The following ZNF749 variants were observed in gnomAD, a reference collection of about 807,000 sequenced individuals.
The protein encoded by ZNF749 is zinc finger protein 749.
In ZNF749, 8 loss-of-function variants were observed where a neutral mutation model predicts 7.3. That is an observed-to-expected ratio of 1.10 (90% CI 0.64 to 1.98). The LOEUF is 1.98. Ranked by LOEUF, ZNF749 falls within the 30% of genes most tolerant of loss-of-function variation. ZNF749 has a pLI of 0.00. For synonymous variants in ZNF749, 310 were observed against 322.4 expected (o/e 0.96, Z 0.41); for missense variants, 898 against 932.4 (o/e 0.96, Z 0.48).
upstream of ZNF749, among the ~76,000 whole-genome samples, chr19:57,434,223 G>A (rs1424836026): frequency 8.5e-5 from 13 of 152,088 alleles, no homozygotes; most frequent in East Asian, 2.1e-3. Flanking sequence ...TCAGCCTCCC[G>A]AGTAGCTGGC....
At chr19:57,432,584 A>AAGC (rs1157181440), upstream of ZNF749, among the ~76,000 whole-genome samples, 2 of 116,580 alleles carry the variant, frequency 1.7e-5, no homozygotes, top group Non-Finnish European at 3.7e-5. Flanking sequence ...AAAAAAAAAA[A>AAGC]GGTGGGGGGG....
chr19:57,428,984 T>C, the ZNF749 span, among the ~76,000 whole-genome samples: 2 of 152,172 alleles, frequency 1.3e-5, no homozygotes, highest in African/African-American at 4.8e-5. Flanking sequence ...AATATTCCAT[T>C]GTATATATAT....
chr19:57,435,071 T>A (rs1330181980), upstream of ZNF749, among the ~76,000 whole-genome samples: 3 of 152,204 alleles, frequency 2.0e-5, no homozygotes, highest in Non-Finnish European at 4.4e-5. Flanking sequence ...TCCACGTCCT[T>A]AAGAGCCCCG....
At position 57,445,520 on chromosome 19, in the gene ZNF749, C is replaced by T. The variant is rs1568548814; in HGVS notation, c.*35C>T. 3 of 1,565,550 alleles carry T rather than the reference C, an allele frequency of 1.9e-6. No individual in the cohort carries two copies. The highest frequency in any genetic ancestry group is 2.6e-6 in the Non-Finnish European group (3 of 1,157,874). Reference sequence around the variant, plus strand: ...TGCAGGAAAGTCACCAAAACTGTCACCTCATTCAGCACCAAAAGGTTCACA... The same window carrying T: ...TGCAGGAAAGTCACCAAAACTGTCATCTCATTCAGCACCAAAAGGTTCACA... On this transcript the variant is annotated 3_prime_UTR_variant, in exon 3 of 3. Transcript: ENST00000334181.
chr19:57,442,120 C>G lies in ZNF749; in HGVS notation c.142+109C>G. ...CCAGATTGTGAGTGCTACGTCCTGT[C>G]CTCTCCTGGTTTCCTGGCAAATGTG... On this transcript the variant is annotated intron_variant, in intron 2 of 2. Coordinates refer to ENST00000334181, the MANE Select transcript of ZNF749 (RefSeq NM_001023561.4). This position sits in a 1 kb window ranked among gnomAD's most constrained non-coding sequence, Gnocchi z 6.6. 2 of 1,429,062 alleles carry G rather than the reference C, an allele frequency of 1.4e-6. No homozygotes were observed. Among genetic ancestry groups the G allele is most frequent in the South Asian group, 2.7e-5 (2 of 73,174 alleles). 88.5% of individuals were successfully genotyped at this position (1,429,062 alleles called of 1,614,324 possible).
Position 57,435,563 on chromosome 19 carries a change from G to A in ZNF749, c.-16G>A, listed in dbSNP as rs779875617. 4 of 1,603,664 alleles carry A rather than the reference G, an allele frequency of 2.5e-6. No individual in the cohort carries two copies. In the Admixed American group the frequency reaches 5.1e-5, roughly 20 times the overall value. ...CGCCCCGCTCTTCCCTGGGTGGACT[G>A]GAGGAGGCCGCGCCGATGAACCTGA... On this transcript the variant is annotated 5_prime_UTR_variant, in exon 1 of 3. Coordinates refer to ENST00000334181, the MANE Select transcript of ZNF749 (RefSeq NM_001023561.4).
At position 57,439,558 on chromosome 19, in the gene ZNF749, A is replaced by C. The variant is rs1291810436; in HGVS notation, c.16-2327A>C. ...GAGGCAGAGGTGGGAAGATTGCTTG[A>C]GGCCAGCCTGGGCAACATAGGGAGA... On this transcript the variant is annotated intron_variant, in intron 1 of 2. Transcript: ENST00000334181. This position sits in a 1 kb window ranked among gnomAD's most constrained non-coding sequence, Gnocchi z 4.3. 1.3e-5 allele frequency among the ~76,000 whole-genome samples: 2 copies of C among 152,040 alleles called. No homozygotes were observed. The highest frequency in any genetic ancestry group is 4.8e-5 in the African/African-American group (2 of 41,394).
At position 57,444,822 on chromosome 19, in the gene ZNF749, T is replaced by C. The variant is rs772517926; in HGVS notation, c.1674T>C (p.Cys558=). The C allele has an allele frequency of 5.6e-6, 9 of 1,612,162 alleles. No homozygotes were observed. Among genetic ancestry groups the C allele is most frequent in the Non-Finnish European group, 7.6e-6 (9 of 1,179,352 alleles). The change falls in exon 3 of 3, where the codon TGT becomes TGC. Residue 558 remains cysteine, a synonymous_variant. Coordinates refer to ENST00000334181, the MANE Select transcript of ZNF749 (RefSeq NM_001023561.4). ...RIDLRPRPYV[C]SECGKAFLTQ... ...ACCTCAGGCCAAGGCCTTATGTGTGTAGTGAATGTGGGAAGGCCTTCCTTA... is the reference window on the plus strand; with the variant it reads ...ACCTCAGGCCAAGGCCTTATGTGTGCAGTGAATGTGGGAAGGCCTTCCTTA...
chr19:57,443,139 G>C (rs568792382), intron 2 of ZNF749, among the ~76,000 whole-genome samples, 152 bp from the exon 3 acceptor site: 8 of 152,270 alleles, frequency 5.3e-5, no homozygotes, highest in Non-Finnish European at 1.0e-4. Context: ...GCCCACCTCT[G>C]AACACTGGGC....
chr19:57,444,831 T>TG lies in ZNF749; in HGVS notation c.1686dup (p.Lys563GlufsTer23). ...CAAGGCCTTATGTGTGTAGTGAATG[T>TG]GGGAAGGCCTTCCTTACACAGGCTC... is the stretch of plus-strand genomic sequence containing the variant. On this transcript the variant is annotated frameshift_variant, in exon 3 of 3. Coordinates refer to ENST00000334181, the MANE Select transcript of ZNF749 (RefSeq NM_001023561.4). LOFTEE classifies it low-confidence loss of function (END_TRUNC). 1 of 1,614,098 alleles carries TG rather than the reference T, an allele frequency of 6.2e-7. No homozygotes were observed. The highest frequency in any genetic ancestry group is 8.5e-7 in the Non-Finnish European group (1 of 1,179,964).
chr19:57,440,411 A>G lies in ZNF749; in HGVS notation c.16-1474A>G, dbSNP rs2123098432. 1.3e-5 allele frequency among the ~76,000 whole-genome samples: 2 copies of G among 151,666 alleles called. 1 individual carries two copies. Among genetic ancestry groups the G allele is most frequent in the South Asian group, 4.2e-4 (2 of 4,742 alleles). On this transcript the variant is annotated intron_variant, in intron 1 of 2. Transcript: ENST00000334181. ...CCAAGATCTGGAACTCAGAGGAGGT[A>G]TGCAAGAACTGTGAGGTTGTCACTT... is the stretch of plus-strand genomic sequence containing the variant.
chr19:57,429,587 C>T, the ZNF749 span, among the ~76,000 whole-genome samples: 1 of 152,168 alleles, frequency 6.6e-6, no homozygotes, highest in Non-Finnish European at 1.5e-5. The surrounding 1 kb of genome is among the most constrained non-coding windows in gnomAD (Gnocchi z 4.2). Flanking sequence ...AAGAGATCCT[C>T]CTGCCTCAGA....
At chr19:57,432,584 A>AGG (rs1555784015), upstream of ZNF749, among the ~76,000 whole-genome samples, 73 of 116,616 alleles carry the variant, frequency 6.3e-4, 1 homozygote, top group South Asian at 8.0e-4. Flanking sequence ...AAAAAAAAAA[A>AGG]GGTGGGGGGG....
At chr19:57,429,544 C>T in the ZNF749 span, among the ~76,000 whole-genome samples, 1 of 152,202 alleles carries the variant, frequency 6.6e-6, no homozygotes, top group East Asian at 1.9e-4. The surrounding 1 kb of genome is among the most constrained non-coding windows in gnomAD (Gnocchi z 4.2). Context: ...GTGGCACAGT[C>T]ACAGTTCACT....
chr19:57,433,373 T>C (rs1402638360), upstream of ZNF749, among the ~76,000 whole-genome samples: 1 of 152,198 alleles, frequency 6.6e-6, no homozygotes, highest in African/African-American at 2.4e-5. Context: ...TTACTGTAGA[T>C]ACCACATTAG....
At chr19:57,428,717 G>A in the ZNF749 span, 2 of 152,162 alleles carry the variant, frequency 1.3e-5, no homozygotes, top group Non-Finnish European at 2.9e-5. Context: ...GCGTTTAAGT[G>A]TATGGGAAGA....
At chr19:57,438,840 G>A (rs1199114108) in intron 1 of ZNF749, among the ~76,000 whole-genome samples, 1 of 152,214 alleles carries the variant, frequency 6.6e-6, no homozygotes, top group Non-Finnish European at 1.5e-5. Context: ...TCCGACAACT[G>A]ATGGGATAAG....
Position 57,441,967 on chromosome 19 carries a change from A to G in ZNF749, c.98A>G (p.His33Arg). 4.3e-6 allele frequency: 7 copies of G among 1,614,200 alleles called. No homozygotes were observed. The highest frequency in any genetic ancestry group is 1.3e-5 in the African/African-American group (1 of 75,044). The change falls in exon 2 of 3, where the codon CAC becomes CGC. Residue 33 changes from histidine to arginine, a missense_variant. By Grantham distance (29) the His-to-Arg change is conservative. Transcript: ENST00000334181. ...CTTAATGATGCTCAGAGACACCTGC[A>G]CAGCAATGTGATGTTGGAGAACTTT... is the stretch of plus-strand genomic sequence containing the variant. ...GILNDAQRHL[H>R]SNVMLENFAL...
Position 57,443,818 on chromosome 19 carries a change from T to TA in ZNF749, c.671dup (p.Tyr224Ter), listed in dbSNP as rs771872716. The change falls in exon 3 of 3, where the codon TAT becomes TAAT. Residue 224 changes from tyrosine to a stop codon, truncating the protein, a stop_gained and frameshift_variant. Coordinates refer to ENST00000334181, the MANE Select transcript of ZNF749 (RefSeq NM_001023561.4). LOFTEE classifies it low-confidence loss of function (END_TRUNC). The part of the protein sequence containing the change: ...HQKTHNGERP[Y>*]EFSECGELFR... ...AAAAACCCATAATGGGGAGAGGCCT[T>TA]ATGAGTTCAGTGAATGTGGGGAATT... is the stretch of plus-strand genomic sequence containing the variant. The TA allele has an allele frequency of 5.8e-4, 939 of 1,614,064 alleles. 3 individuals carry two copies. Among genetic ancestry groups the TA allele is most frequent in the Middle Eastern group, 4.1e-3 (25 of 6,062 alleles).
Sources: gnomAD v4.1 joint callset for allele counts (sites outside exome capture counted in the v4.1 genomes callset) on GRCh38, gnomAD v4.1.1 for gene constraint, Gnocchi (gnomAD v3.1) non-coding constraint, MANE v1.5 for transcripts, NCBI Gene and HGNC (gene_info 2026-07-23, HGNC 2026-07-21) for gene names.